ARHGEF17: variants seen among roughly 807,000 people sequenced by gnomAD.
The protein encoded by ARHGEF17 is Rho guanine nucleotide exchange factor 17, also known as 164 kDa Rho-specific guanine-nucleotide exchange factor.
ARHGEF17 carries 80 observed loss-of-function variants against 174.0 expected under a neutral mutation model. That is an observed-to-expected ratio of 0.46 (90% CI 0.38 to 0.55). The LOEUF is 0.55. Among genes scored for constraint, ARHGEF17 ranks in the 20% least tolerant of loss-of-function variants. The pLI is 0.00. For synonymous variants in ARHGEF17, 1,311 were observed against 1,189.1 expected, an observed-to-expected ratio of 1.10 and a Z score of -2.11; for missense variants, 2,886 against 2,839.7, an observed-to-expected ratio of 1.02 and a Z score of -0.37.
At chr11:73,341,819 G>T (rs779132977) in intron 1 of ARHGEF17, among the ~76,000 whole-genome samples, 9 of 152,188 alleles carry the variant, frequency 5.9e-5, no homozygotes, top group Non-Finnish European at 1.3e-4. Flanking sequence ...GAAACTCAGG[G>T]GAAAGCAGGT....
chr11:73,339,964 A>G (rs1267518275), intron 1 of ARHGEF17, among the ~76,000 whole-genome samples: 1 of 152,126 alleles, frequency 6.6e-6, no homozygotes. Flanking sequence ...CACTCATTCT[A>G]TACAACTGCA....
intron 16 of ARHGEF17, 67 bp downstream of exon 16, chr11:73,363,900 TC>T: frequency 6.7e-7 from 1 of 1,502,724 alleles, no homozygotes; most frequent in South Asian, 1.1e-5. Context: ...CTCCTTCTGT[TC>T]ATCTGGTCCC....
intron 1 of ARHGEF17, among the ~76,000 whole-genome samples, chr11:73,343,951 T>C (rs1210440857): frequency 6.6e-6 from 1 of 152,192 alleles, no homozygotes; most frequent in Non-Finnish European, 1.5e-5. Flanking sequence ...TATTTCTGTG[T>C]GGGGCGGCTT....
chr11:73,347,993 A>G (rs917892315), intron 2 of ARHGEF17, among the ~76,000 whole-genome samples: 5 of 152,170 alleles, frequency 3.3e-5, no homozygotes, highest in African/African-American at 1.2e-4. Context: ...GAGAAGCACA[A>G]CTGGAGCAAG....
Position 73,362,253 on chromosome 11 carries a change from G to T in ARHGEF17, c.4694+14G>T. The stretch of plus-strand genomic sequence containing the variant: ...TCGCTGCCACCGGTGAGGCCTGGGC[G>T]GCGGGGTGGGCGGCACCGCGGGCCT... On this transcript the variant is annotated intron_variant, in intron 13 of 20. Coordinates refer to ENST00000263674, the MANE Select transcript of ARHGEF17 (RefSeq NM_014786.4). 6.7e-7 allele frequency: 1 copy of T among 1,499,820 alleles called. No individual in the cohort carries two copies. The highest frequency in any genetic ancestry group is 1.3e-5 in the South Asian group (1 of 78,336). The allele number at this position is 1,499,820 out of a possible 1,614,324, so 92.9% of individuals were successfully genotyped here.
At position 73,364,649 on chromosome 11, in the gene ARHGEF17, C is replaced by T. The variant is rs201680180; in HGVS notation, c.5550+49C>T. The T allele has an allele frequency of 3.2e-4, 507 of 1,568,218 alleles. No individual in the cohort carries two copies. In the African/African-American group the frequency reaches 6.3e-3, roughly 20 times the overall value. ...ATTGGTGCCATGGGATGAGCTAGGT[C>T]CGTGTGACAGGGAGATGGAGACCAT... On this transcript the variant is annotated intron_variant, in intron 18 of 20. Transcript: ENST00000263674.
intron 1 of ARHGEF17, among the ~76,000 whole-genome samples, chr11:73,339,816 C>T (rs928820153): frequency 1.3e-5 from 2 of 152,138 alleles, no homozygotes; most frequent in Non-Finnish European, 2.9e-5. Context: ...GTCTTTCCTT[C>T]TCTGACTAAA....
intron 1 of ARHGEF17, among the ~76,000 whole-genome samples, chr11:73,323,186 C>G (rs1419526119): frequency 6.6e-6 from 1 of 152,170 alleles, no homozygotes; most frequent in Non-Finnish European, 1.5e-5. Context: ...CACCTGCAGT[C>G]TGGCCCTCCT....
chr11:73,311,882 AC>A (rs1864844413), intron 1 of ARHGEF17, 52 bp downstream of exon 1: 4 of 1,534,842 alleles, frequency 2.6e-6, no homozygotes, highest in Admixed American at 2.0e-5. Flanking sequence ...GGCCATGGGC[AC>A]CGACTTCGGT....
At position 73,357,268 on chromosome 11, in the gene ARHGEF17, C is replaced by T. The variant is rs1353557764; in HGVS notation, c.4028C>T (p.Thr1343Ile). The T allele has an allele frequency of 2.5e-6, 4 of 1,614,126 alleles. No homozygotes were observed. Among genetic ancestry groups the T allele is most frequent in the Non-Finnish European group, 3.4e-6 (4 of 1,179,982 alleles). ...SLYTAASVID[T>I]ASKYKMLWKL... The stretch of plus-strand genomic sequence containing the variant: ...TACACGGCAGCCAGTGTCATTGACA[C>T]AGCCAGCAAGTACAAGATGCTGTGG... Residue 1343 changes from threonine (T) to isoleucine (I), a missense_variant, in exon 9 of 21, where the codon ACA becomes ATA. Physicochemically the swap from Thr to Ile is moderately conservative, Grantham distance 89. Transcript: ENST00000263674.
At chr11:73,345,382 A>G (rs964200281) in intron 1 of ARHGEF17, among the ~76,000 whole-genome samples, 2 of 151,988 alleles carry the variant, frequency 1.3e-5, no homozygotes, top group Admixed American at 1.3e-4. Flanking sequence ...CACCCCCACC[A>G]CTGAGTTCCT....
chr11:73,329,357 A>AT lies in ARHGEF17; in HGVS notation c.3193-17525dup, dbSNP rs1865160141. Among the ~76,000 whole-genome samples, 12 of 4,130 alleles carry AT rather than the reference A, an allele frequency of 2.9e-3. 2 individuals carry two copies. The highest frequency in any genetic ancestry group is 4.2e-3 in the Non-Finnish European group (8 of 1,890). 2.7% of individuals were successfully genotyped at this position (4,130 alleles called of 152,430 possible). A position where few individuals can be genotyped will look rare whatever the true frequency, so the allele number is the denominator to read the frequency against. On this transcript the variant is annotated intron_variant, in intron 1 of 20. Transcript: ENST00000263674. ...TATATATATATATATATATATATAT[A>AT]TATATATATATATATATTTTTTTTT...
In ARHGEF17 at chr11:73,363,361, C is replaced by G. The variant is rs574866314; in HGVS notation, c.5152C>G (p.His1718Asp). The G allele has an allele frequency of 6.2e-7, 1 of 1,613,120 alleles. No individual in the cohort carries two copies. The highest frequency in any genetic ancestry group is 8.5e-7 in the Non-Finnish European group (1 of 1,179,888). Reference protein sequence around the residue: ...MDGRALRRSSHGSFTRGSLED... With the variant: ...MDGRALRRSSDGSFTRGSLED... ...TGGGAGAGCCCTTCGCCGCTCCAGC[C>G]ACGGCTCCTTCACCCGGGGCAGCCT... The change falls in exon 15 of 21, where the codon CAC (histidine) becomes GAC (aspartate). Residue 1718 changes from histidine to aspartate, a missense_variant. This residue lies in a region of ARHGEF17 where 476 missense variants were observed against 473.1 expected (regional missense o/e 1.01). Coordinates refer to ENST00000263674, the MANE Select transcript of ARHGEF17 (RefSeq NM_014786.4).
intron 1 of ARHGEF17, among the ~76,000 whole-genome samples, chr11:73,344,323 G>A (rs150821167): frequency 8.5e-5 from 13 of 152,360 alleles, no homozygotes; most frequent in African/African-American, 2.9e-4. Context: ...ACAGGGAGCT[G>A]GCCTTGTTTT....
At chr11:73,346,197 T>C (rs1434045693) in intron 1 of ARHGEF17, among the ~76,000 whole-genome samples, 1 of 152,166 alleles carries the variant, frequency 6.6e-6, no homozygotes, top group African/African-American at 2.4e-5. Flanking sequence ...AATAATAACA[T>C]ATACCTCACA....
In ARHGEF17 at chr11:73,310,761, G is replaced by A. The variant is rs1362817814; in HGVS notation, c.2123G>A (p.Arg708Gln). The change falls in exon 1 of 21, where the codon CGA becomes CAA. Residue 708 changes from arginine to glutamine, a missense_variant. Physicochemically the swap from Arg to Gln is conservative, Grantham distance 43. Around this residue, in one of 4 missense-constraint regions of ARHGEF17, gnomAD observed 1,728 missense variants for 1,461.2 expected, o/e 1.18. Transcript: ENST00000263674. ...CCTCCCACACCAGGTGCCCTCCGCCGACGACGCAAAGTCCCACCTTCAGGT... is the reference window on the plus strand; with the variant it reads ...CCTCCCACACCAGGTGCCCTCCGCCAACGACGCAAAGTCCCACCTTCAGGT... Reference protein sequence around the residue: ...ETPPTPGALRRRRKVPPSGSG... With the variant: ...ETPPTPGALRQRRKVPPSGSG... 5 of 1,611,208 alleles carry A rather than the reference G, an allele frequency of 3.1e-6. No homozygotes were observed. Among genetic ancestry groups the A allele is most frequent in the East Asian group, 2.2e-5 (1 of 44,836 alleles).
chr11:73,363,703 G>A lies in ARHGEF17; in HGVS notation c.5247-44G>A, dbSNP rs527598227. The A allele has an allele frequency of 9.2e-5, 148 of 1,606,658 alleles. No homozygotes were observed. In the South Asian group the frequency reaches 1.6e-3, roughly 17 times the overall value. The stretch of plus-strand genomic sequence containing the variant: ...GGTGGAGGGATGACTCCAGGGGCTG[G>A]TGTGCCCCAAGCATTTGTCCCAGGT... On this transcript the variant is annotated intron_variant, in intron 15 of 20. Coordinates refer to ENST00000263674, the MANE Select transcript of ARHGEF17 (RefSeq NM_014786.4).
chr11:73,321,884 G>A (rs1045717383), intron 1 of ARHGEF17, among the ~76,000 whole-genome samples: 1 of 152,192 alleles, frequency 6.6e-6, no homozygotes, highest in Non-Finnish European at 1.5e-5. Context: ...GGGGCCAGCC[G>A]AGGGAGCAAG....
intron 1 of ARHGEF17, among the ~76,000 whole-genome samples, chr11:73,335,202 T>C (rs1865267052): frequency 2.0e-5 from 3 of 152,124 alleles, no homozygotes; most frequent in African/African-American, 7.2e-5. Context: ...TAAGGCCTCA[T>C]GGGATTACCA....
Sources: allele counts gnomAD v4.1 joint callset (sites outside exome capture counted in the v4.1 genomes callset), GRCh38; gene constraint gnomAD v4.1.1; regional missense constraint gnomAD v4.1.1; transcripts MANE v1.5; gene names NCBI Gene and HGNC (gene_info 2026-07-23, HGNC 2026-07-21).